The following ARHGAP26 variants were observed in gnomAD, a reference collection of about 807,000 sequenced individuals.
ARHGAP26 encodes the protein Rho GTPase activating protein 26, also known as rho GTPase-activating protein 26.
In ARHGAP26, 38 loss-of-function variants were observed where a neutral mutation model predicts 104.8. The ratio of observed to expected loss-of-function variants is 0.36; its 90% CI spans 0.28 to 0.48. ARHGAP26 has a LOEUF of 0.48. Ranked by LOEUF, ARHGAP26 falls within the 20% of genes least tolerant of loss-of-function variation. ARHGAP26 has a pLI of 0.99. For synonymous variants in ARHGAP26, 341 were observed against 340.0 expected (o/e 1.00, Z -0.03); for missense variants, 704 against 947.9 (o/e 0.74, Z 3.38).
chr5:142,796,023 T>G (rs1760913564), intron 1 of ARHGAP26, among the ~76,000 whole-genome samples: 1 of 151,918 alleles, frequency 6.6e-6, no homozygotes, highest in Non-Finnish European at 1.5e-5. Flanking sequence ...TAACATGCTG[T>G]ATAATTTACT....
chr5:142,864,347 G>T (rs946138714), intron 1 of ARHGAP26, among the ~76,000 whole-genome samples: 1 of 152,298 alleles, frequency 6.6e-6, no homozygotes, highest in Admixed American at 6.5e-5. Flanking sequence ...TAAAAGGCAC[G>T]ACTTGAGCTT....
At chr5:143,185,323 G>T (rs1332007229) in intron 20 of ARHGAP26, among the ~76,000 whole-genome samples, 1 of 149,616 alleles carries the variant, frequency 6.7e-6, no homozygotes, top group Non-Finnish European at 1.5e-5. Context: ...GATAAGATTG[G>T]TTTGGTTTTG....
At chr5:142,825,185 C>T (rs959662081) in intron 1 of ARHGAP26, among the ~76,000 whole-genome samples, 2 of 152,146 alleles carry the variant, frequency 1.3e-5, no homozygotes, top group South Asian at 2.1e-4. Context: ...GGATTTAAAC[C>T]AGGTTATGTA....
At chr5:143,167,779 T>C (rs967625880) in intron 20 of ARHGAP26, among the ~76,000 whole-genome samples, 3 of 152,146 alleles carry the variant, frequency 2.0e-5, no homozygotes, top group African/African-American at 4.8e-5. Flanking sequence ...CCATCACATA[T>C]AGAAAGTTCA....
At chr5:143,016,867 T>C (rs745600005) in intron 12 of ARHGAP26, among the ~76,000 whole-genome samples, 9 of 152,158 alleles carry the variant, frequency 5.9e-5, no homozygotes, top group Non-Finnish European at 1.2e-4. Context: ...ATGGTACAGG[T>C]TCTTAGCTTC....
intron 22 of ARHGAP26, among the ~76,000 whole-genome samples, chr5:143,217,436 C>T (rs1379488840): frequency 6.6e-6 from 1 of 152,208 alleles, no homozygotes; most frequent in Non-Finnish European, 1.5e-5. Context: ...AGAGAAATAG[C>T]TCATATTCTC....
At chr5:143,125,953 TA>T (rs1394013663) in intron 18 of ARHGAP26, among the ~76,000 whole-genome samples, 1 of 152,218 alleles carries the variant, frequency 6.6e-6, no homozygotes, top group Non-Finnish European at 1.5e-5. Context: ...GAACCCAAGC[TA>T]TTAAAATCTA....
intron 17 of ARHGAP26, among the ~76,000 whole-genome samples, chr5:143,064,100 G>A (rs533026339): frequency 1.3e-5 from 2 of 152,110 alleles, no homozygotes; most frequent in East Asian, 1.9e-4. Context: ...TAAAGGGGGC[G>A]ATTTTACTTG....
At chr5:143,045,362 C>T (rs901983739) in intron 14 of ARHGAP26, among the ~76,000 whole-genome samples, 1 of 152,174 alleles carries the variant, frequency 6.6e-6, no homozygotes, top group Non-Finnish European at 1.5e-5. Flanking sequence ...AGAATGATAT[C>T]CATGATTCTC....
intron 21 of ARHGAP26, among the ~76,000 whole-genome samples, chr5:143,210,928 C>T (rs1809363223): frequency 6.6e-6 from 1 of 152,182 alleles, no homozygotes; most frequent in Non-Finnish European, 1.5e-5. Context: ...TACCCCAGGC[C>T]CTCTGTATCC....
chr5:143,134,146 C>T (rs1797666551), intron 19 of ARHGAP26, 41 bp downstream of exon 19: 9 of 1,578,272 alleles, frequency 5.7e-6, no homozygotes, highest in South Asian at 3.5e-5. Context: ...CATTCAGGGA[C>T]ATCCCATGCT....
chr5:143,092,838 T>A (rs896020602), intron 17 of ARHGAP26, among the ~76,000 whole-genome samples: 1 of 152,194 alleles, frequency 6.6e-6, no homozygotes, highest in African/African-American at 2.4e-5. Context: ...TGCAAACAGC[T>A]CCCACGTCTG....
intron 1 of ARHGAP26, among the ~76,000 whole-genome samples, chr5:142,814,420 T>G (rs575460556): frequency 3.3e-5 from 5 of 152,348 alleles, no homozygotes; most frequent in Admixed American, 6.5e-5. Context: ...AGTATTGCCA[T>G]GAACTGGAAA....
rs776566350 is a variant in ARHGAP26, at chr5:142,875,161, G to A, written c.302G>A (p.Arg101Gln). Residue 101 changes from arginine (R) to glutamine (Q), a missense_variant, in exon 3 of 23, where the codon CGG becomes CAG. Arg to Gln is a conservative substitution (Grantham distance 43). Transcript: ENST00000645722. The part of the protein sequence containing the change: ...ATVLRNLEDE[R>Q]IRMIENASEV... ...GTCCTCAGGAATCTTGAAGATGAAC[G>A]GATACGGATGGTGAGTAGGGCTGGG... 3.1e-6 allele frequency: 5 copies of A among 1,614,082 alleles called. No individual in the cohort carries two copies. The highest frequency in any genetic ancestry group is 1.3e-5 in the African/African-American group (1 of 75,026).
intron 1 of ARHGAP26, among the ~76,000 whole-genome samples, chr5:142,841,768 G>A (rs1770858670): frequency 6.6e-6 from 1 of 152,246 alleles, no homozygotes; most frequent in African/African-American, 2.4e-5. Context: ...GCGGAAGAGG[G>A]TAGAGACAAG....
At chr5:143,129,163 T>C (rs1175880630) in intron 18 of ARHGAP26, among the ~76,000 whole-genome samples, 1 of 152,256 alleles carries the variant, frequency 6.6e-6, no homozygotes, top group Non-Finnish European at 1.5e-5. Context: ...ATTCTGTCAT[T>C]GCTGTAAACA....
intron 17 of ARHGAP26, among the ~76,000 whole-genome samples, chr5:143,088,060 C>CA (rs1790856960): frequency 1.3e-5 from 2 of 152,150 alleles, no homozygotes. Context: ...GGATGTGGCA[C>CA]TTCTAAAAGG....
rs1811753707 is a variant in ARHGAP26, at chr5:143,227,367, A to C, written c.*4921A>C. The C allele has an allele frequency of 4.3e-6, 1 of 230,994 alleles. No homozygotes were observed. The highest frequency in any genetic ancestry group is 8.6e-6 in the Non-Finnish European group (1 of 116,732). 14.3% of individuals were successfully genotyped at this position (230,994 alleles called of 1,614,324 possible). A position where few individuals can be genotyped will look rare whatever the true frequency, so the allele number is the denominator to read the frequency against. On this transcript the variant is annotated 3_prime_UTR_variant, in exon 23 of 23. Transcript: ENST00000645722. ...TTGACAATCATCACTTACCTCGACA[A>C]CCCTGCCCCACATCACTTTATAAAG...
In ARHGAP26 at chr5:143,133,309, T is replaced by C. The variant is rs532649123; in HGVS notation, c.1699-658T>C. 3.3e-5 allele frequency among the ~76,000 whole-genome samples: 5 copies of C among 152,320 alleles called. No individual in the cohort carries two copies. The South Asian group carries it at 1.0e-3, about 32-fold the overall frequency. On this transcript the variant is annotated intron_variant, in intron 18 of 22. Coordinates refer to ENST00000645722, the MANE Select transcript of ARHGAP26 (RefSeq NM_001135608.3). Reference sequence around the variant, plus strand: ...ATCGGGATAATTTTTTGTTTTCTTCTTGAGACTTTTCTGCATTTTTCAAAT... The same window carrying C: ...ATCGGGATAATTTTTTGTTTTCTTCCTGAGACTTTTCTGCATTTTTCAAAT...
Sources: gnomAD v4.1 joint callset for allele counts (sites outside exome capture counted in the v4.1 genomes callset) on GRCh38, gnomAD v4.1.1 for gene constraint, MANE v1.5 for transcripts, NCBI Gene and HGNC (gene_info 2026-07-23, HGNC 2026-07-21) for gene names.